MOB3B: variants seen among roughly 807,000 people sequenced by gnomAD.
MOB3B encodes MOB kinase activator-like 2B.
In MOB3B, 7 loss-of-function variants were observed where a neutral mutation model predicts 18.7. The ratio of observed to expected loss-of-function variants is 0.37; its 90% CI spans 0.21 to 0.70. The LOEUF (loss-of-function observed/expected upper bound fraction) is 0.70. Among genes scored for constraint, MOB3B ranks in the 30% least tolerant of loss-of-function variants. The probability of loss-of-function intolerance (pLI) is 0.52; values close to 1 mark genes in which losing one functional copy is unlikely to be tolerated. For synonymous variants in MOB3B, 111 were observed against 99.9 expected (o/e 1.11, Z -0.66); for missense variants, 253 against 281.3 (o/e 0.90, Z 0.72).
intron 2 of MOB3B, among the ~76,000 whole-genome samples, chr9:27,377,497 A>G (rs914359447): frequency 3.3e-5 from 5 of 152,162 alleles, no homozygotes; most frequent in African/African-American, 1.2e-4. Context: ...CCCTTCTAAC[A>G]CCTAGACCAG....
chr9:27,394,579 G>A (rs1444421589), intron 2 of MOB3B, among the ~76,000 whole-genome samples: 3 of 152,162 alleles, frequency 2.0e-5, no homozygotes, highest in East Asian at 3.8e-4. Context: ...TGAAGAAAAG[G>A]TACAAAAGCC....
intron 1 of MOB3B, among the ~76,000 whole-genome samples, chr9:27,494,253 C>A (rs901968012): frequency 4.6e-5 from 7 of 152,180 alleles, no homozygotes; most frequent in Middle Eastern, 3.2e-3. Context: ...TCACCCTGGT[C>A]CTGTGGTCCT....
chr9:27,395,610 C>T (rs1821787370), intron 2 of MOB3B, among the ~76,000 whole-genome samples: 1 of 152,170 alleles, frequency 6.6e-6, no homozygotes, highest in African/African-American at 2.4e-5. Context: ...GTGATTCAAT[C>T]CTTAAATACT....
intron 2 of MOB3B, among the ~76,000 whole-genome samples, chr9:27,426,088 C>G (rs1822325046): frequency 6.6e-6 from 1 of 152,276 alleles, no homozygotes; most frequent in South Asian, 2.1e-4. Context: ...TTCATTTCAT[C>G]CTCTCAGTAA....
chr9:27,498,446 C>T (rs182965735), intron 1 of MOB3B, among the ~76,000 whole-genome samples: 16 of 152,146 alleles, frequency 1.1e-4, no homozygotes, highest in Non-Finnish European at 1.8e-4. Flanking sequence ...GCTGGTTCTG[C>T]CATGGTCTTT....
intron 2 of MOB3B, chr9:27,421,376 G>A (rs540094555): frequency 2.0e-5 from 3 of 153,014 alleles, no homozygotes; most frequent in Non-Finnish European, 4.4e-5. Flanking sequence ...ACAGGCGTGA[G>A]CCAACATGCC....
intron 1 of MOB3B, among the ~76,000 whole-genome samples, chr9:27,506,188 A>G (rs1032684441): frequency 6.6e-6 from 1 of 152,224 alleles, no homozygotes; most frequent in Middle Eastern, 3.2e-3. Flanking sequence ...GAACCACAGA[A>G]TCTCAAACAG....
chr9:27,376,735 A>C (rs574322634), intron 2 of MOB3B, among the ~76,000 whole-genome samples: 1 of 152,244 alleles, frequency 6.6e-6, no homozygotes, highest in Non-Finnish European at 1.5e-5. Flanking sequence ...CAGCAGCACC[A>C]GCAATATCTG....
intron 2 of MOB3B, among the ~76,000 whole-genome samples, chr9:27,404,809 T>C (rs1487428281): frequency 6.6e-6 from 1 of 152,124 alleles, no homozygotes; most frequent in Non-Finnish European, 1.5e-5. Flanking sequence ...CATGTGGTAG[T>C]TTTATTTTTA....
Position 27,359,203 on chromosome 9 carries a change from C to G in MOB3B, c.452G>C (p.Cys151Ser). 1 of 1,614,086 alleles carries G rather than the reference C, an allele frequency of 6.2e-7. No homozygotes were observed. Among genetic ancestry groups the G allele is most frequent in the Non-Finnish European group, 8.5e-7 (1 of 1,180,012 alleles). Residue 151 changes from cysteine (C) to serine (S), a missense_variant, in exon 3 of 4, where the codon TGC becomes TCC. Coordinates refer to ENST00000262244, the MANE Select transcript of MOB3B (RefSeq NM_024761.5). Reference protein sequence around the residue: ...VPFPKNFLQICKKILCRLFRV... With the variant: ...VPFPKNFLQISKKILCRLFRV... ...GAAAAGGCGGCACAGGATCTTCTTG[C>G]AGATCTGAAGGAAGTTCTTTGGGAA...
At chr9:27,371,546 C>T (rs1028915186) in intron 2 of MOB3B, among the ~76,000 whole-genome samples, 4 of 152,152 alleles carry the variant, frequency 2.6e-5, no homozygotes, top group Admixed American at 2.0e-4. Context: ...AAAATCTTAT[C>T]TCTGGGTCAA....
At chr9:27,440,035 A>C (rs1024788161) in intron 2 of MOB3B, among the ~76,000 whole-genome samples, 2 of 152,216 alleles carry the variant, frequency 1.3e-5, no homozygotes, top group Non-Finnish European at 2.9e-5. Context: ...AGACATCATT[A>C]TTACAGTAAC....
At chr9:27,371,758 G>A (rs890018802) in intron 2 of MOB3B, among the ~76,000 whole-genome samples, 2 of 152,046 alleles carry the variant, frequency 1.3e-5, no homozygotes, top group African/African-American at 4.8e-5. Context: ...AAGCCTCTCA[G>A]CCTTAGCTGA....
At chr9:27,522,295 A>G (rs1260198049) in intron 1 of MOB3B, among the ~76,000 whole-genome samples, 2 of 149,008 alleles carry the variant, frequency 1.3e-5, no homozygotes, top group Non-Finnish European at 3.0e-5. Flanking sequence ...AAAAAGAAAT[A>G]CTTGCTCACC....
At chr9:27,511,866 G>T (rs551036114) in intron 1 of MOB3B, among the ~76,000 whole-genome samples, 5 of 152,226 alleles carry the variant, frequency 3.3e-5, no homozygotes, top group East Asian at 1.9e-4. Context: ...TTTCTAAATA[G>T]ATCAGAGATG....
At chr9:27,388,215 A>G (rs1821673159) in intron 2 of MOB3B, among the ~76,000 whole-genome samples, 1 of 152,210 alleles carries the variant, frequency 6.6e-6, no homozygotes, top group Admixed American at 6.5e-5. Context: ...CCAGGTACCC[A>G]AGAGCTAATC....
chr9:27,485,783 CT>C (rs1246617104), intron 1 of MOB3B, among the ~76,000 whole-genome samples: 7 of 152,150 alleles, frequency 4.6e-5, no homozygotes, highest in Non-Finnish European at 7.4e-5. Context: ...GATTATATTC[CT>C]TTTGTAATAG....
intron 2 of MOB3B, chr9:27,378,306 A>C (rs564057809): frequency 2.1e-6 from 1 of 468,556 alleles, no homozygotes; most frequent in Non-Finnish European, 4.4e-6. Context: ...TGAGGTCATA[A>C]GGATGGATGC....
intron 1 of MOB3B, among the ~76,000 whole-genome samples, chr9:27,485,796 A>G (rs1819721751): frequency 6.6e-6 from 1 of 152,206 alleles, no homozygotes; most frequent in East Asian, 1.9e-4. Flanking sequence ...TTGTAATAGG[A>G]AAAAAATGGC....
Sources: allele counts gnomAD v4.1 joint callset (sites outside exome capture counted in the v4.1 genomes callset), GRCh38; gene constraint gnomAD v4.1.1; transcripts MANE v1.5; gene names NCBI Gene and HGNC (gene_info 2026-07-23, HGNC 2026-07-21).